Variants in CNTNAP2 observed in about 807,000 individuals in gnomAD.
The protein encoded by CNTNAP2 is contactin associated protein 2, also known as contactin-associated protein-like 2.
A neutral mutation model predicts 155.2 loss-of-function variants in CNTNAP2; 98 were observed. The ratio of observed to expected loss-of-function variants is 0.63; its 90% CI spans 0.54 to 0.75. The LOEUF is 0.75. Among genes scored for constraint, CNTNAP2 ranks in the 30% least tolerant of loss-of-function variants. The probability of loss-of-function intolerance (pLI) is 0.00; values close to 1 mark genes in which losing one functional copy is unlikely to be tolerated. For synonymous variants in CNTNAP2, 651 were observed against 631.2 expected (o/e 1.03, Z -0.47); for missense variants, 1,727 against 1,688.1 (o/e 1.02, Z -0.40).
At chr7:146,644,614 C>T (rs1002728187) in intron 1 of CNTNAP2, among the ~76,000 whole-genome samples, 3 of 151,722 alleles carry the variant, frequency 2.0e-5, no homozygotes, top group South Asian at 2.1e-4. Context: ...GTCTAAAATT[C>T]GCAAATAGAC....
chr7:148,337,738 C>T (rs1798145056), intron 21 of CNTNAP2, among the ~76,000 whole-genome samples: 1 of 152,186 alleles, frequency 6.6e-6, no homozygotes, highest in Non-Finnish European at 1.5e-5. Flanking sequence ...CTGCGCCATG[C>T]AGAGTATATG....
intron 21 of CNTNAP2, among the ~76,000 whole-genome samples, chr7:148,288,599 A>G (rs1205110912): frequency 6.6e-6 from 1 of 152,196 alleles, no homozygotes; most frequent in Non-Finnish European, 1.5e-5. Context: ...AAACTATTAA[A>G]TTAAATAATA....
intron 10 of CNTNAP2, among the ~76,000 whole-genome samples, chr7:147,480,463 G>A (rs529301337): frequency 3.3e-5 from 5 of 152,288 alleles, no homozygotes; most frequent in African/African-American, 1.2e-4. Context: ...CTGAGATTGA[G>A]AATGCTGAAC....
chr7:147,106,336 T>G (rs1029184612), intron 4 of CNTNAP2, among the ~76,000 whole-genome samples: 8 of 152,072 alleles, frequency 5.3e-5, no homozygotes, highest in Admixed American at 2.0e-4. Flanking sequence ...TTATTTCTCA[T>G]TGCACATGAA....
At chr7:147,385,862 C>T (rs1294855172) in intron 9 of CNTNAP2, among the ~76,000 whole-genome samples, 1 of 152,236 alleles carries the variant, frequency 6.6e-6, no homozygotes, top group Admixed American at 6.5e-5. Context: ...CCCACATTTC[C>T]CTTCTGCACT....
chr7:147,269,940 T>C (rs1289426670), intron 8 of CNTNAP2, among the ~76,000 whole-genome samples: 1 of 152,138 alleles, frequency 6.6e-6, no homozygotes, highest in African/African-American at 2.4e-5. Flanking sequence ...CGTGCTCCTA[T>C]AGTCCCAGCT....
At chr7:147,128,247 A>G (rs1186953880) in intron 6 of CNTNAP2, among the ~76,000 whole-genome samples, 1 of 152,182 alleles carries the variant, frequency 6.6e-6, no homozygotes, top group Non-Finnish European at 1.5e-5. Flanking sequence ...TAAATACGAT[A>G]TCCCTTGCTT....
intron 21 of CNTNAP2, among the ~76,000 whole-genome samples, chr7:148,322,913 G>T (rs1320499436): frequency 6.6e-6 from 1 of 151,074 alleles, no homozygotes; most frequent in African/African-American, 2.4e-5. Flanking sequence ...CAAAGCCCAG[G>T]TTGAAATTTG....
chr7:147,178,092 C>T (rs950728903), intron 8 of CNTNAP2, among the ~76,000 whole-genome samples: 14 of 152,234 alleles, frequency 9.2e-5, no homozygotes, highest in African/African-American at 3.1e-4. Context: ...CTCCAAGAAC[C>T]TGTGAATGTG....
chr7:147,428,885 A>G lies in CNTNAP2; in HGVS notation c.1670+33105A>G, dbSNP rs1584943584. 2.6e-5 allele frequency among the ~76,000 whole-genome samples: 4 copies of G among 152,258 alleles called. No individual in the cohort carries two copies. In the South Asian group the frequency reaches 8.3e-4, roughly 32 times the overall value. On this transcript the variant is annotated intron_variant, in intron 10 of 23. Transcript: ENST00000361727. ...ATTTATGTGCACCTATCACCTGAGC[A>G]GAGTACAGTACACCCAGTGTGTAGT...
At chr7:147,701,059 G>T (rs922746419) in intron 13 of CNTNAP2, among the ~76,000 whole-genome samples, 2 of 152,094 alleles carry the variant, frequency 1.3e-5, no homozygotes, top group African/African-American at 4.8e-5. Flanking sequence ...TGAACTGCTG[G>T]GACGGTTCTT....
chr7:147,434,752 C>T (rs1797524274), intron 10 of CNTNAP2, among the ~76,000 whole-genome samples: 2 of 152,196 alleles, frequency 1.3e-5, no homozygotes, highest in Non-Finnish European at 2.9e-5. Flanking sequence ...ACATGGAGCA[C>T]CTGCTCCTCT....
intron 1 of CNTNAP2, among the ~76,000 whole-genome samples, chr7:146,537,643 G>A (rs1797889911): frequency 6.6e-6 from 1 of 152,082 alleles, no homozygotes; most frequent in Non-Finnish European, 1.5e-5. Context: ...AGATGTCACT[G>A]AGTAGATGGT....
chr7:147,764,133 T>A (rs1040699114), intron 13 of CNTNAP2, among the ~76,000 whole-genome samples: 2 of 152,038 alleles, frequency 1.3e-5, no homozygotes, highest in Non-Finnish European at 2.9e-5. Context: ...CTGTTTGCTA[T>A]GGGTTATTTT....
At chr7:148,245,651 C>G (rs1252712874) in intron 20 of CNTNAP2, among the ~76,000 whole-genome samples, 12 of 152,152 alleles carry the variant, frequency 7.9e-5, no homozygotes, top group Non-Finnish European at 2.9e-5. Flanking sequence ...CCATGAGGTT[C>G]AAGGTCTGCA....
intron 12 of CNTNAP2, among the ~76,000 whole-genome samples, chr7:147,620,132 G>A (rs1000458770): frequency 6.6e-6 from 1 of 152,200 alleles, no homozygotes; most frequent in African/African-American, 2.4e-5. Flanking sequence ...GGCTTGGGGT[G>A]CCCCCTAAAG....
chr7:147,426,312 T>A (rs1376215254), intron 10 of CNTNAP2, among the ~76,000 whole-genome samples: 1 of 152,092 alleles, frequency 6.6e-6, no homozygotes, highest in Non-Finnish European at 1.5e-5. Context: ...AAACTTCAAG[T>A]CACAGACCAA....
At chr7:146,681,520 A>G (rs1585040296) in intron 1 of CNTNAP2, among the ~76,000 whole-genome samples, 1 of 51,056 alleles carries the variant, frequency 2.0e-5, no homozygotes, top group Non-Finnish European at 3.6e-5. Context: ...GGAGGGTGGG[A>G]GGGGTGGGAG....
At position 147,043,838 on chromosome 7, in the gene CNTNAP2, A is replaced by G. The variant is rs536003257; in HGVS notation, c.403-69A>G. On this transcript the variant is annotated intron_variant, in intron 3 of 23. Coordinates refer to ENST00000361727, the MANE Select transcript of CNTNAP2 (RefSeq NM_014141.6). ...ATTGGATGACATTTGTGTTTATTCTAGTAGACAGAGGACATGATTGTTTCT... is the reference window on the plus strand; with the variant it reads ...ATTGGATGACATTTGTGTTTATTCTGGTAGACAGAGGACATGATTGTTTCT... The G allele has an allele frequency of 1.3e-5, 20 of 1,568,692 alleles. No homozygotes were observed. The African/African-American group carries it at 2.2e-4, about 17-fold the overall frequency.
Sources: allele counts gnomAD v4.1 joint callset (sites outside exome capture counted in the v4.1 genomes callset), GRCh38; gene constraint gnomAD v4.1.1; transcripts MANE v1.5; gene names NCBI Gene and HGNC (gene_info 2026-07-23, HGNC 2026-07-21).